Variants in DYM observed in about 807,000 individuals in gnomAD.
The protein encoded by DYM is dymeclin, also known as dyggve-Melchior-Clausen syndrome protein.
A neutral mutation model predicts 93.1 loss-of-function variants in DYM; 78 were observed. The ratio of observed to expected loss-of-function variants is 0.84; its 90% confidence interval spans 0.70 to 1.01. The LOEUF (loss-of-function observed/expected upper bound fraction) is 1.01, where lower values mean the gene tolerates loss of function less well. Among genes scored for constraint, DYM ranks in the 50% least tolerant of loss-of-function variants. The pLI is 0.00. For synonymous variants in DYM, 321 were observed against 319.7 expected (o/e 1.00, Z -0.04); for missense variants, 789 against 845.0 (o/e 0.93, Z 0.82).
chr18:49,080,390 G>C (rs1332069905), intron 17 of DYM, among the ~76,000 whole-genome samples: 22 of 100,068 alleles, frequency 2.2e-4, no homozygotes, highest in South Asian at 1.2e-3. Context: ...GAGGGGCTGA[G>C]CCCCCCACCT....
intron 13 of DYM, among the ~76,000 whole-genome samples, chr18:49,220,030 T>G (rs1024367384): frequency 6.6e-6 from 1 of 151,884 alleles, no homozygotes; most frequent in African/African-American, 2.4e-5. Context: ...AAAATCTCCT[T>G]AAGCTGATAA....
rs116747777 is a variant in DYM, at chr18:49,194,730, C to T, written c.1625+14821G>A. 5.7e-3 allele frequency among the ~76,000 whole-genome samples: 861 copies of T among 151,878 alleles called. 14 individuals are homozygous for T. The highest frequency in any genetic ancestry group is 0.02 in the African/African-American group (833 of 41,422). On this transcript the variant is annotated intron_variant, in intron 14 of 17. Transcript: ENST00000675505. ...GTCTTCAATAAATCTTAACAATACT[C>T]TCATAAGTAACACAAAAAAATATTT... is the stretch of plus-strand genomic sequence containing the variant.
At chr18:49,151,758 T>C (rs2085843490) in intron 15 of DYM, among the ~76,000 whole-genome samples, 2 of 152,122 alleles carry the variant, frequency 1.3e-5, no homozygotes, top group African/African-American at 2.4e-5. Context: ...AAATCAAGGA[T>C]AAATCAAAGA....
At chr18:49,095,458 T>G (rs887830298) in intron 17 of DYM, among the ~76,000 whole-genome samples, 5 of 151,420 alleles carry the variant, frequency 3.3e-5, no homozygotes, top group Non-Finnish European at 7.4e-5. Flanking sequence ...TTTTTTTTTT[T>G]TTGTTTTGTT....
At chr18:49,115,065 T>G (rs2145917492) in intron 16 of DYM, among the ~76,000 whole-genome samples, 1 of 152,330 alleles carries the variant, frequency 6.6e-6, no homozygotes, top group South Asian at 2.1e-4. Context: ...GTAAACAAGT[T>G]AATTAATCTT....
intron 1 of DYM, among the ~76,000 whole-genome samples, chr18:49,442,996 TA>T (rs940433084): frequency 6.6e-6 from 1 of 152,074 alleles, no homozygotes; most frequent in African/African-American, 2.4e-5. Context: ...TAGCTGGGAC[TA>T]CAGGCATGCA....
intron 13 of DYM, among the ~76,000 whole-genome samples, chr18:49,253,572 G>A (rs949004665): frequency 1.3e-5 from 2 of 152,082 alleles, no homozygotes; most frequent in African/African-American, 4.8e-5. Context: ...TGATCCAGTA[G>A]GTCAAAAGCC....
chr18:49,127,613 G>A (rs549402543), intron 15 of DYM, among the ~76,000 whole-genome samples: 2 of 152,184 alleles, frequency 1.3e-5, no homozygotes, highest in South Asian at 4.1e-4. Context: ...AGTAGGGGGA[G>A]GAAATGCACA....
chr18:49,309,715 T>A (rs1033781434), intron 8 of DYM, among the ~76,000 whole-genome samples: 1 of 152,218 alleles, frequency 6.6e-6, no homozygotes, highest in Non-Finnish European at 1.5e-5. Context: ...ATACATAGTA[T>A]ATCTGTGGTC....
chr18:49,099,971 G>T (rs8089472), intron 16 of DYM, among the ~76,000 whole-genome samples: 15,665 of 152,068 alleles, frequency 0.1, 1,066 homozygotes, highest in East Asian at 0.25. Context: ...GCTATTTCGT[G>T]AGGGTTTAAC....
chr18:49,081,435 G>A (rs975166576), intron 17 of DYM, among the ~76,000 whole-genome samples: 7 of 151,330 alleles, frequency 4.6e-5, no homozygotes, highest in Admixed American at 1.3e-4. Context: ...GGAGGTCGCC[G>A]TGAGCCGAGA....
intron 11 of DYM, among the ~76,000 whole-genome samples, chr18:49,259,041 C>T (rs900243303): frequency 3.3e-5 from 5 of 151,728 alleles, no homozygotes; most frequent in Admixed American, 6.6e-5. Flanking sequence ...TGTTCTCTTT[C>T]GTTAAGGTTA....
At chr18:49,054,841 A>G (rs765973633) in intron 17 of DYM, among the ~76,000 whole-genome samples, 3 of 152,152 alleles carry the variant, frequency 2.0e-5, no homozygotes, top group African/African-American at 4.8e-5. Flanking sequence ...AGTTTTTGTA[A>G]GTAAGGGCGA....
intron 8 of DYM, among the ~76,000 whole-genome samples, chr18:49,323,066 G>T (rs1280001653): frequency 2.6e-5 from 4 of 152,178 alleles, no homozygotes; most frequent in African/African-American, 9.7e-5. Context: ...TCCTCCAAAG[G>T]ACAATGTAAG....
chr18:49,172,090 T>C (rs1378724423), intron 14 of DYM, among the ~76,000 whole-genome samples: 1 of 152,186 alleles, frequency 6.6e-6, no homozygotes, highest in African/African-American at 2.4e-5. Context: ...TCACTGTAGT[T>C]GCCTTTTCTA....
At chr18:49,268,258 C>A (rs1306983384) in intron 11 of DYM, among the ~76,000 whole-genome samples, 2 of 152,118 alleles carry the variant, frequency 1.3e-5, no homozygotes, top group Non-Finnish European at 2.9e-5. Flanking sequence ...TGAATTTACT[C>A]TTTTCTACTA....
intron 17 of DYM, among the ~76,000 whole-genome samples, chr18:49,096,076 A>C (rs2079518478): frequency 6.6e-6 from 1 of 152,194 alleles, no homozygotes; most frequent in Non-Finnish European, 1.5e-5. Flanking sequence ...ACCAACCAAC[A>C]AACCAAGGTC....
chr18:49,414,780 G>A (rs201191411), intron 2 of DYM, among the ~76,000 whole-genome samples: 4 of 151,978 alleles, frequency 2.6e-5, no homozygotes, highest in Non-Finnish European at 4.4e-5. Flanking sequence ...ACCTCACTCC[G>A]CTTCGCTTTT....
At chr18:49,329,222 G>A (rs1043741301) in intron 8 of DYM, among the ~76,000 whole-genome samples, 1 of 144,516 alleles carries the variant, frequency 6.9e-6, no homozygotes, top group Non-Finnish European at 1.5e-5. Context: ...CTCATAGCTG[G>A]GAACTGAATA....
Sources: gnomAD v4.1 joint callset for allele counts (sites outside exome capture counted in the v4.1 genomes callset) on GRCh38, gnomAD v4.1.1 for gene constraint, MANE v1.5 for transcripts, NCBI Gene and HGNC (gene_info 2026-07-23, HGNC 2026-07-21) for gene names.